The following EXOC6 variants were observed in gnomAD, a reference collection of about 807,000 sequenced individuals.
The protein encoded by EXOC6 is exocyst complex component 6.
EXOC6 carries 60 observed loss-of-function variants against 112.5 expected under a neutral mutation model. The observed-to-expected ratio is 0.53, with a 90% CI of 0.43 to 0.66. The LOEUF is 0.66. EXOC6 is among the 30% of genes least tolerant of loss of function. The pLI is 0.00. For missense variants in EXOC6, 855 were observed against 957.1 expected (o/e 0.89, Z 1.41); for synonymous variants, 295 against 308.0 (o/e 0.96, Z 0.44).
At chr10:93,037,289 G>C (rs1052206214) in intron 20 of EXOC6, among the ~76,000 whole-genome samples, 2 of 151,668 alleles carry the variant, frequency 1.3e-5, no homozygotes, top group African/African-American at 2.4e-5. Flanking sequence ...ACAGGTGCAT[G>C]CCACCACACC....
intron 18 of EXOC6, among the ~76,000 whole-genome samples, chr10:92,988,145 T>C (rs973564113): frequency 1.3e-5 from 2 of 152,212 alleles, no homozygotes; most frequent in Admixed American, 1.3e-4. Context: ...ACCCAGTGCA[T>C]GACCCAGTGT....
At chr10:92,839,285 T>C (rs1161581073) in intron 1 of EXOC6, among the ~76,000 whole-genome samples, 1 of 152,126 alleles carries the variant, frequency 6.6e-6, no homozygotes. Flanking sequence ...TAGATGTGCC[T>C]GGCTCCTTGC....
intron 1 of EXOC6, among the ~76,000 whole-genome samples, chr10:92,857,765 C>T (rs766536960): frequency 1.3e-4 from 18 of 137,294 alleles, no homozygotes; most frequent in Non-Finnish European, 2.7e-4. Context: ...TACATAGTTA[C>T]CTTTACTGGT....
At chr10:92,969,984 G>A (rs1345890280) in intron 17 of EXOC6, among the ~76,000 whole-genome samples, 1 of 152,144 alleles carries the variant, frequency 6.6e-6, no homozygotes, top group Non-Finnish European at 1.5e-5. Flanking sequence ...GTGAGCCACC[G>A]CACCTGGTCG....
At chr10:92,894,225 A>G (rs1849644509) in intron 2 of EXOC6, among the ~76,000 whole-genome samples, 1 of 152,130 alleles carries the variant, frequency 6.6e-6, no homozygotes, top group South Asian at 2.1e-4. Flanking sequence ...AATTAATGAG[A>G]TTTTTAATAA....
At chr10:92,859,217 C>A (rs954135585) in intron 1 of EXOC6, among the ~76,000 whole-genome samples, 1 of 152,088 alleles carries the variant, frequency 6.6e-6, no homozygotes, top group African/African-American at 2.4e-5. Context: ...ACTCATGGGG[C>A]AGGTTGTTGT....
In EXOC6 at chr10:92,868,153, C is replaced by T. The variant is rs974786373; in HGVS notation, c.101+19519C>T. On this transcript the variant is annotated intron_variant, in intron 1 of 21. Transcript: ENST00000260762. Reference sequence around the variant, plus strand: ...AGTCATAGGAAAGTTTTCCAGATTCCGGAGTTATAGGGGAGTCCACCCATG... The same window carrying T: ...AGTCATAGGAAAGTTTTCCAGATTCTGGAGTTATAGGGGAGTCCACCCATG... 7.2e-5 allele frequency among the ~76,000 whole-genome samples: 11 copies of T among 152,014 alleles called. No homozygotes were observed. In the South Asian group the frequency reaches 1.3e-3, roughly 17 times the overall value.
chr10:92,903,965 C>G (rs61862272), intron 5 of EXOC6, among the ~76,000 whole-genome samples: 3,339 of 152,098 alleles, frequency 0.022, 57 homozygotes, highest in African/African-American at 0.041. Flanking sequence ...CCCATCCTTC[C>G]CTGCTGTGAA....
intron 2 of EXOC6, among the ~76,000 whole-genome samples, chr10:92,894,187 A>G (rs781448140): frequency 6.6e-6 from 1 of 152,220 alleles, no homozygotes; most frequent in Non-Finnish European, 1.5e-5. Context: ...TACAGCATCA[A>G]TGAGGTCACT....
chr10:92,904,059 A>G (rs1850316929), intron 5 of EXOC6, among the ~76,000 whole-genome samples: 1 of 152,070 alleles, frequency 6.6e-6, no homozygotes, highest in Non-Finnish European at 1.5e-5. Flanking sequence ...TACAGTATAT[A>G]TATAATATGT....
intron 18 of EXOC6, among the ~76,000 whole-genome samples, chr10:92,981,462 G>A (rs1842822129): frequency 6.6e-6 from 1 of 152,164 alleles, no homozygotes; most frequent in East Asian, 1.9e-4. Flanking sequence ...ATGACAGTGA[G>A]TTTTAAAAAT....
At position 92,894,998 on chromosome 10, in the gene EXOC6, A is replaced by G. The variant is rs144456439; in HGVS notation, c.390A>G (p.Glu130=). ...AGAGAAATATTACAACTGTAGTAGA[A>G]AAATTGCAGTTATGCCTTCCTGGTG... ...IQQRNITTVV[E]KLQLCLPVLE... is the part of the protein sequence containing the mutation. Residue 130 remains glutamate (E), a synonymous_variant, in exon 4 of 22, where the codon GAA becomes GAG. Coordinates refer to ENST00000260762, the MANE Select transcript of EXOC6 (RefSeq NM_019053.6). The G allele has an allele frequency of 5.6e-6, 9 of 1,609,910 alleles. No homozygotes were observed. The highest frequency in any genetic ancestry group is 6.0e-6 in the Non-Finnish European group (7 of 1,176,370).
intron 18 of EXOC6, among the ~76,000 whole-genome samples, chr10:92,992,647 G>T (rs1238556332): frequency 1.3e-5 from 2 of 151,836 alleles, no homozygotes; most frequent in Non-Finnish European, 2.9e-5. Context: ...CAGATTTCTT[G>T]AATTAAAATA....
intron 1 of EXOC6, among the ~76,000 whole-genome samples, chr10:92,887,455 T>C (rs1375516707): frequency 7.1e-6 from 1 of 140,278 alleles, no homozygotes; most frequent in African/African-American, 2.7e-5. Context: ...TGGAGTGCAG[T>C]GGTGTGATCT....
chr10:92,974,991 G>A (rs546507570), intron 18 of EXOC6, among the ~76,000 whole-genome samples: 16 of 151,942 alleles, frequency 1.1e-4, no homozygotes, highest in Non-Finnish European at 1.6e-4. Context: ...CCGCCACCCC[G>A]TCTGGGAAGT....
chr10:93,051,062 A>G (rs183530543), intron 20 of EXOC6, among the ~76,000 whole-genome samples: 1 of 152,266 alleles, frequency 6.6e-6, no homozygotes, highest in Admixed American at 6.5e-5. Flanking sequence ...TATTTTAGCC[A>G]TGGTAGTGAC....
Position 92,907,496 on chromosome 10 carries a change from G to A in EXOC6, c.459-1931G>A, listed in dbSNP as rs186874328. Reference sequence around the variant, plus strand: ...GTGAGAGATGAGCGGCATGAAGGGAGGCACAGTTGTGCTATGAAGTAAGTT... The same window carrying A: ...GTGAGAGATGAGCGGCATGAAGGGAAGCACAGTTGTGCTATGAAGTAAGTT... On this transcript the variant is annotated intron_variant, in intron 5 of 21. Coordinates refer to ENST00000260762, the MANE Select transcript of EXOC6 (RefSeq NM_019053.6). 1.1e-4 allele frequency among the ~76,000 whole-genome samples: 16 copies of A among 152,310 alleles called. No individual in the cohort carries two copies. In the East Asian group the frequency reaches 2.1e-3, roughly 20 times the overall value.
intron 1 of EXOC6, among the ~76,000 whole-genome samples, chr10:92,828,396 C>A (rs543822394): frequency 6.6e-6 from 1 of 152,138 alleles, no homozygotes; most frequent in Non-Finnish European, 1.5e-5. Context: ...TGCAGTGGTG[C>A]GATCTTGGCT....
chr10:92,897,517 C>CA (rs1299995465), intron 4 of EXOC6, among the ~76,000 whole-genome samples: 1 of 152,168 alleles, frequency 6.6e-6, no homozygotes, highest in African/African-American at 2.4e-5. Context: ...CTGTGTCAGG[C>CA]AAACCTGCCT....
Sources: allele counts gnomAD v4.1 joint callset (sites outside exome capture counted in the v4.1 genomes callset), GRCh38; gene constraint gnomAD v4.1.1; transcripts MANE v1.5; gene names NCBI Gene and HGNC (gene_info 2026-07-23, HGNC 2026-07-21).